The following PUS7L variants were observed in gnomAD, a reference collection of about 807,000 sequenced individuals.
The protein encoded by PUS7L is pseudouridylate synthase PUS7L.
PUS7L carries 49 observed loss-of-function variants against 51.1 expected under a neutral mutation model. The ratio of observed to expected loss-of-function variants is 0.96; its 90% CI spans 0.76 to 1.22. The LOEUF (loss-of-function observed/expected upper bound fraction) is 1.22, where lower values mean the gene tolerates loss of function less well. Ranked by LOEUF, PUS7L falls within the 50% of genes most tolerant of loss-of-function variation. PUS7L has a pLI of 0.00. For synonymous variants in PUS7L, 277 were observed against 276.2 expected (o/e 1.00, Z -0.03); for missense variants, 828 against 820.6 (o/e 1.01, Z -0.11).
intron 3 of PUS7L, among the ~76,000 whole-genome samples, chr12:43,747,549 C>T (rs1282937313): frequency 6.6e-6 from 1 of 151,806 alleles, no homozygotes; most frequent in Non-Finnish European, 1.5e-5. Flanking sequence ...CAAAAATTAG[C>T]CAGGCATGGT....
intron 7 of PUS7L, among the ~76,000 whole-genome samples, chr12:43,735,485 T>C (rs1025463222): frequency 1.3e-5 from 2 of 152,164 alleles, no homozygotes; most frequent in African/African-American, 4.8e-5. Context: ...GAATCATATT[T>C]AGATAAAATC....
rs922814298 is a variant in PUS7L, at chr12:43,719,830, T to C, written c.*10546A>G. 1 of 152,226 alleles carries C rather than the reference T, an allele frequency of 6.6e-6. No individual in the cohort carries two copies. The highest frequency in any genetic ancestry group is 1.5e-5 in the Non-Finnish European group (1 of 68,038). 9.4% of individuals were successfully genotyped at this position (152,226 alleles called of 1,614,324 possible). A position where few individuals can be genotyped will look rare whatever the true frequency, so the allele number is the denominator to read the frequency against. ...CCTTTCCAATTATGATATTGGTTAG[T>C]TGTAACTGCATTATTTCCATCAGTC... On this transcript the variant is annotated 3_prime_UTR_variant, in exon 9 of 9. Coordinates refer to ENST00000344862, the MANE Select transcript of PUS7L (RefSeq NM_031292.5).
At chr12:43,734,578 A>G (rs1311473383) in intron 7 of PUS7L, among the ~76,000 whole-genome samples, 1 of 152,226 alleles carries the variant, frequency 6.6e-6, no homozygotes, top group Non-Finnish European at 1.5e-5. Flanking sequence ...TGCTTTATGT[A>G]GAGTTCAGAG....
At chr12:43,733,170 CCACA>C (rs150731095) in intron 7 of PUS7L, among the ~76,000 whole-genome samples, 2 of 151,038 alleles carry the variant, frequency 1.3e-5, no homozygotes, top group Non-Finnish European at 3.0e-5. Flanking sequence ...TCCATCTTGC[CCACA>C]CACACACACA....
At chr12:43,745,987 T>C in intron 4 of PUS7L, 59 bp downstream of exon 4, 1 of 748,998 alleles carries the variant, frequency 1.3e-6, no homozygotes, top group Non-Finnish European at 2.2e-6. Flanking sequence ...CTTGCCTCAG[T>C]GTAGAGAAAG....
Position 43,755,095 on chromosome 12 carries a change from C to T in PUS7L, c.151G>A (p.Asp51Asn), listed in dbSNP as rs199994161. Residue 51 changes from aspartate to asparagine, a missense_variant, in exon 2 of 9, where the codon GAT (aspartate) becomes AAT (asparagine). Coordinates refer to ENST00000344862, the MANE Select transcript of PUS7L (RefSeq NM_031292.5). The stretch of plus-strand genomic sequence containing the variant: ...TCACTAATCTTGAAAATAGGCTCAT[C>T]GATGGTCTTATTAACTAACTGTCCC... ...EQGQLVNKTIDEPIFKISEIQ... is the reference protein window; with the variant it reads ...EQGQLVNKTINEPIFKISEIQ... 40 of 1,613,650 alleles carry T rather than the reference C, an allele frequency of 2.5e-5. No individual in the cohort carries two copies. Among genetic ancestry groups the T allele is most frequent in the African/African-American group, 2.3e-4 (17 of 74,990 alleles).
Position 43,725,860 on chromosome 12 carries a change from A to G in PUS7L, c.*4516T>C, listed in dbSNP as rs1401900324. 1.3e-5 allele frequency: 2 copies of G among 152,074 alleles called. No homozygotes were observed. Among genetic ancestry groups the G allele is most frequent in the Non-Finnish European group, 2.9e-5 (2 of 68,028 alleles). The allele number at this position is 152,074 out of a possible 1,614,324, so 9.4% of individuals were successfully genotyped here. On this transcript the variant is annotated 3_prime_UTR_variant, in exon 9 of 9. Transcript: ENST00000344862. ...TCCAATCTGCAAATAAGGGAAGATAATACCTCCACACAGGGTGGGAATATG... is the reference window on the plus strand; with the variant it reads ...TCCAATCTGCAAATAAGGGAAGATAGTACCTCCACACAGGGTGGGAATATG...
At chr12:43,753,305 A>G (rs1938543568) in intron 2 of PUS7L, among the ~76,000 whole-genome samples, 1 of 152,182 alleles carries the variant, frequency 6.6e-6, no homozygotes, top group Non-Finnish European at 1.5e-5. Flanking sequence ...AAAGTTATGA[A>G]TTATTAAGTA....
chr12:43,739,350 T>G (rs1019960012), intron 5 of PUS7L: 1 of 152,194 alleles, frequency 6.6e-6, no homozygotes, highest in Non-Finnish European at 1.5e-5. Flanking sequence ...CTCAGAAGTT[T>G]CCAAAGAAAA....
intron 5 of PUS7L, 110 bp from the exon 6 acceptor site, chr12:43,738,501 T>C (rs1937725184): frequency 4.8e-6 from 3 of 630,402 alleles, no homozygotes; most frequent in African/African-American, 1.9e-5. Context: ...TTAATAATTA[T>C]ACTTGATGCT....
rs559887767 is a variant in PUS7L, at chr12:43,749,902, G to A, written c.911-1293C>T. Among the ~76,000 whole-genome samples, 17 of 152,276 alleles carry A rather than the reference G, an allele frequency of 1.1e-4. No individual in the cohort carries two copies. The South Asian group carries it at 3.1e-3, about 28-fold the overall frequency. On this transcript the variant is annotated intron_variant, in intron 2 of 8. Coordinates refer to ENST00000344862, the MANE Select transcript of PUS7L (RefSeq NM_031292.5). ...ACACTGGGGTCTATAAGAGGTAGGA[G>A]GGAGGAAGGGCATAAGGCTGAAAAA...
intron 5 of PUS7L, chr12:43,739,319 G>A (rs78309101): frequency 0.035 from 5,294 of 152,238 alleles, 146 homozygotes; most frequent in Middle Eastern, 0.065. Flanking sequence ...CACTCAGAAA[G>A]ACAACATTAA....
Position 43,727,914 on chromosome 12 carries a change from G to A in PUS7L, c.*2462C>T, listed in dbSNP as rs1020550128. The A allele has an allele frequency of 1.3e-5, 2 of 152,174 alleles. No homozygotes were observed. The highest frequency in any genetic ancestry group is 4.8e-5 in the African/African-American group (2 of 41,450). The allele number at this position is 152,174 out of a possible 1,614,324, so 9.4% of individuals were successfully genotyped here. A position where few individuals can be genotyped will look rare whatever the true frequency, so the allele number is the denominator to read the frequency against. Reference sequence around the variant, plus strand: ...GAAGGTCAGCAAAGGGTAGGTTTGAGATGTTTGGGTAGGTTAAGTGGGCAT... The same window carrying A: ...GAAGGTCAGCAAAGGGTAGGTTTGAAATGTTTGGGTAGGTTAAGTGGGCAT... On this transcript the variant is annotated 3_prime_UTR_variant, in exon 9 of 9. Coordinates refer to ENST00000344862, the MANE Select transcript of PUS7L (RefSeq NM_031292.5).
intron 7 of PUS7L, among the ~76,000 whole-genome samples, chr12:43,732,668 C>T (rs533979239): frequency 6.6e-6 from 1 of 152,180 alleles, no homozygotes; most frequent in Admixed American, 6.5e-5. Context: ...AAGGCTTCAG[C>T]GCATTCTCAT....
rs1194486654 is a variant in PUS7L at position 43,754,744 on chromosome 12, C to T, written c.502G>A (p.Asp168Asn). Residue 168 changes from aspartate (D) to asparagine (N), a missense_variant, in exon 2 of 9, where the codon GAC (aspartate) becomes AAC (asparagine). Physicochemically the swap from Asp to Asn is conservative, Grantham distance 23. Transcript: ENST00000344862. ...TGTAAACTAGCCCTCTGGTTTTTGT[C>T]AAGGATTCTGCCTATTGAGAATTCA... The part of the protein sequence containing the change: ...PPEFSIGRIL[D>N]KNQRASLHSA... 1.2e-6 allele frequency: 2 copies of T among 1,613,912 alleles called. No individual in the cohort carries two copies. Among genetic ancestry groups the T allele is most frequent in the East Asian group, 4.5e-5 (2 of 44,864 alleles).
chr12:43,743,285 C>G (rs1937994321), intron 4 of PUS7L, among the ~76,000 whole-genome samples: 1 of 152,142 alleles, frequency 6.6e-6, no homozygotes, highest in Non-Finnish European at 1.5e-5. Context: ...AAGAAAACAC[C>G]AGGCCCAGAC....
rs752661832 is a variant in PUS7L, at chr12:43,736,371, T to C, written c.1725+10A>G. On this transcript the variant is annotated intron_variant, in intron 7 of 8. Transcript: ENST00000344862. ...CTACTCTTGGAAAACTCTGATGGAA[T>C]GATACTTACTTTACTATTTGGGAAA... 14 of 1,610,994 alleles carry C rather than the reference T, an allele frequency of 8.7e-6. No homozygotes were observed. Among genetic ancestry groups the C allele is most frequent in the Non-Finnish European group, 1.1e-5 (13 of 1,177,764 alleles).
chr12:43,748,616 CAA>C lies in PUS7L; in HGVS notation c.911-9_911-8del, dbSNP rs750552126. 4 of 1,404,694 alleles carry C rather than the reference CAA, an allele frequency of 2.8e-6. No individual in the cohort carries two copies. Among genetic ancestry groups the C allele is most frequent in the Non-Finnish European group, 3.8e-6 (4 of 1,049,278 alleles). 87.0% of individuals were successfully genotyped at this position (1,404,694 alleles called of 1,614,324 possible). On this transcript the variant is annotated splice_region_variant and splice_polypyrimidine_tract_variant and intron_variant, in intron 2 of 8. Coordinates refer to ENST00000344862, the MANE Select transcript of PUS7L (RefSeq NM_031292.5). The stretch of plus-strand genomic sequence containing the variant: ...TCCTTTCGTAGGGTAAAAGCTGAAA[CAA>C]AAAAAAAACTTAGATCACAAAAAAA...
At chr12:43,736,282 A>G in intron 7 of PUS7L, 99 bp downstream of exon 7, 1 of 975,720 alleles carries the variant, frequency 1.0e-6, no homozygotes, top group East Asian at 2.5e-5. Flanking sequence ...TAAATAAATT[A>G]CATGTATGTT....
Sources: gnomAD v4.1 joint callset for allele counts (sites outside exome capture counted in the v4.1 genomes callset) on GRCh38, gnomAD v4.1.1 for gene constraint, MANE v1.5 for transcripts, NCBI Gene and HGNC (gene_info 2026-07-23, HGNC 2026-07-21) for gene names.